Variants in KCNQ2 observed in about 807,000 individuals in gnomAD.
KCNQ2 encodes the protein potassium voltage-gated channel subfamily Q member 2.
Under a neutral mutation model 84.8 loss-of-function variants are expected in KCNQ2, and 14 were observed. That is an observed-to-expected ratio of 0.17 (90% CI 0.11 to 0.26). The LOEUF (loss-of-function observed/expected upper bound fraction) is 0.26. Ranked by LOEUF, KCNQ2 falls within the 10% of genes least tolerant of loss-of-function variation. KCNQ2 has a pLI of 1.00. For missense variants in KCNQ2, 788 were observed against 1,254.0 expected (o/e 0.63, Z 5.61); for synonymous variants, 599 against 554.1 (o/e 1.08, Z -1.14).
At chr20:63,439,522 C>T (rs2081095290) in intron 6 of KCNQ2, 76 bp downstream of exon 6, 1 of 1,112,912 alleles carries the variant, frequency 9.0e-7, no homozygotes, top group Non-Finnish European at 1.4e-6. Context: ...GGAACTGTGC[C>T]CAGGGGCCTG....
At position 63,442,773 on chromosome 20, in the gene KCNQ2, TCAC is replaced by T. The variant is rs796989773; in HGVS notation, c.691-245_691-243del. Among the ~76,000 whole-genome samples, 21 of 27,306 alleles carry T rather than the reference TCAC, an allele frequency of 7.7e-4. No homozygotes were observed. In the South Asian group the frequency reaches 0.026, roughly 34 times the overall value. The allele number at this position is 27,306 out of a possible 152,430, so 17.9% of individuals were successfully genotyped here. A position where few individuals can be genotyped will look rare whatever the true frequency, so the allele number is the denominator to read the frequency against. On this transcript the variant is annotated intron_variant, in intron 4 of 16. Transcript: ENST00000359125. ...ACCATCACCATCACCACCATCACCATCACCACCACCACCATCACCATTACCACC... is the reference window on the plus strand; with the variant it reads ...ACCATCACCATCACCACCATCACCATCACCACCACCATCACCATTACCACC...
chr20:63,436,435 G>A (rs1023643644), intron 7 of KCNQ2, among the ~76,000 whole-genome samples: 1 of 152,032 alleles, frequency 6.6e-6, no homozygotes, highest in Admixed American at 6.5e-5. Context: ...GGAGGCTGAG[G>A]CAGGAGAATG....
rs1270575927 is a variant in KCNQ2 at position 63,401,472 on chromosome 20, C to T, written c.*5172G>A. On this transcript the variant is annotated 3_prime_UTR_variant, in exon 17 of 17. Transcript: ENST00000359125. ...CCATCCCACATCCTTCAGGAAGCCG[C>T]CCTGGCTGTCTCTCCGGCTGCTTAG... 1 of 152,418 alleles carries T rather than the reference C, an allele frequency of 6.6e-6. No individual in the cohort carries two copies. Among genetic ancestry groups the T allele is most frequent in the East Asian group, 1.9e-4 (1 of 5,200 alleles). 9.4% of individuals were successfully genotyped at this position (152,418 alleles called of 1,614,324 possible). A position where few individuals can be genotyped will look rare whatever the true frequency, so the allele number is the denominator to read the frequency against.
In KCNQ2 at chr20:63,414,254, C is replaced by G; in HGVS notation, c.1526-61G>C. 1.6e-6 allele frequency: 2 copies of G among 1,235,118 alleles called. No individual in the cohort carries two copies. The highest frequency in any genetic ancestry group is 2.4e-6 in the Non-Finnish European group (2 of 839,896). The allele number at this position is 1,235,118 out of a possible 1,614,324, so 76.5% of individuals were successfully genotyped here. A position where few individuals can be genotyped will look rare whatever the true frequency, so the allele number is the denominator to read the frequency against. ...GGGCCGGGAGACCTATTCCCGGGGT[C>G]CTGCAGGGCACACCGGCTAGACAGA... On this transcript the variant is annotated intron_variant, in intron 13 of 16. Coordinates refer to ENST00000359125, the MANE Select transcript of KCNQ2 (RefSeq NM_172107.4). The surrounding 1 kb of genome is among the most constrained non-coding windows in gnomAD (Gnocchi z 6.6).
rs569033427 is a variant in KCNQ2 at position 63,428,688 on chromosome 20, G to A, written c.1149-253C>T. 2.0e-5 allele frequency among the ~76,000 whole-genome samples: 3 copies of A among 152,336 alleles called. No homozygotes were observed. The East Asian group carries it at 5.8e-4, about 29-fold the overall frequency. On this transcript the variant is annotated intron_variant, in intron 9 of 16. Coordinates refer to ENST00000359125, the MANE Select transcript of KCNQ2 (RefSeq NM_172107.4). ...GTCAACCAGCAGGGACAGCAGGGAG[G>A]AGGGAAGAGGGCGCCTGGCCACCCA... is the stretch of plus-strand genomic sequence containing the variant.
chr20:63,472,442 C>A lies in KCNQ2; in HGVS notation c.22G>T (p.Gly8Cys), dbSNP rs769045070. The A allele has an allele frequency of 6.5e-7, 1 of 1,532,942 alleles. No homozygotes were observed. The highest frequency in any genetic ancestry group is 1.2e-5 in the South Asian group (1 of 82,580). 95.0% of individuals were successfully genotyped at this position (1,532,942 alleles called of 1,614,324 possible). Reference sequence around the variant, plus strand: ...CCGCTCGGGCCGGGGTATACGCCGCCGTTGCGCGACTTCTGCACCATGGTG... The same window carrying A: ...CCGCTCGGGCCGGGGTATACGCCGCAGTTGCGCGACTTCTGCACCATGGTG... Reference protein sequence around the residue: MVQKSRNGGVYPGPSGEK... With the variant: MVQKSRNCGVYPGPSGEK... The change falls in exon 1 of 17, where the codon GGC (glycine) becomes TGC (cysteine). Residue 8 changes from glycine (G) to cysteine (C), a missense_variant. Physicochemically the swap from Gly to Cys is radical, Grantham distance 159. This residue lies in a region of KCNQ2 where 41 missense variants were observed against 41.2 expected (regional missense o/e 0.99). Coordinates refer to ENST00000359125, the MANE Select transcript of KCNQ2 (RefSeq NM_172107.4).
chr20:63,436,984 G>A (rs948226672), intron 7 of KCNQ2, among the ~76,000 whole-genome samples: 1 of 152,118 alleles, frequency 6.6e-6, no homozygotes, highest in South Asian at 2.1e-4. Flanking sequence ...TCACCATGTT[G>A]GCTAAGCTGG....
rs1304226365 is a variant in KCNQ2 at position 63,445,171 on chromosome 20, C to A, written c.514+67G>T. 25 of 1,610,798 alleles carry A rather than the reference C, an allele frequency of 1.6e-5. No homozygotes were observed. In the Admixed American group the frequency reaches 3.8e-4, roughly 25 times the overall value. ...GCCCACGCAGACGCCCCAGCTCCCC[C>A]CAGGGCTGAGTCCGTCCCTGGGTGC... On this transcript the variant is annotated intron_variant, in intron 3 of 16. Transcript: ENST00000359125.
In KCNQ2 at chr20:63,438,851, C is replaced by A; in HGVS notation, c.928-131G>T. The A allele has an allele frequency of 1.4e-6, 1 of 702,000 alleles. No individual in the cohort carries two copies. Among genetic ancestry groups the A allele is most frequent in the South Asian group, 1.5e-5 (1 of 66,022 alleles). 43.5% of individuals were successfully genotyped at this position (702,000 alleles called of 1,614,324 possible). A position where few individuals can be genotyped will look rare whatever the true frequency, so the allele number is the denominator to read the frequency against. Reference sequence around the variant, plus strand: ...TCAGACCACACTCCAGAGACTCACACACCCCCCAATTCATCAGGGTCAGAC... The same window carrying A: ...TCAGACCACACTCCAGAGACTCACAAACCCCCCAATTCATCAGGGTCAGAC... On this transcript the variant is annotated intron_variant, in intron 6 of 16. Coordinates refer to ENST00000359125, the MANE Select transcript of KCNQ2 (RefSeq NM_172107.4). The surrounding 1 kb of genome is among the most constrained non-coding windows in gnomAD (Gnocchi z 5.1).
At chr20:63,466,380 G>A (rs1388303691) in intron 1 of KCNQ2, 2 of 152,156 alleles carry the variant, frequency 1.3e-5, no homozygotes, top group Admixed American at 1.3e-4. Flanking sequence ...TTCAACCCAC[G>A]ACCTGGCCCT....
rs370418579 is a variant in KCNQ2, at chr20:63,420,470, A to G, written c.1248-798T>C. On this transcript the variant is annotated intron_variant, in intron 11 of 16. Coordinates refer to ENST00000359125, the MANE Select transcript of KCNQ2 (RefSeq NM_172107.4). ...CTTTTCCCCACCCCAGCCACCCCCA[A>G]CCTCCTTGCCACTGCTTCCTGAGAC... Among the ~76,000 whole-genome samples the G allele has an allele frequency of 1.8e-4, 24 of 137,050 alleles. No homozygotes were observed. In the East Asian group the frequency reaches 2.6e-3, roughly 15 times the overall value. 89.9% of individuals were successfully genotyped at this position (137,050 alleles called of 152,430 possible). A position where few individuals can be genotyped will look rare whatever the true frequency, so the allele number is the denominator to read the frequency against.
intron 7 of KCNQ2, among the ~76,000 whole-genome samples, chr20:63,437,191 C>T (rs948174812): frequency 4.6e-5 from 7 of 152,180 alleles, no homozygotes; most frequent in African/African-American, 9.7e-5. Flanking sequence ...CTCTGAGGTG[C>T]GCCTGTGGAG....
chr20:63,414,427 A>C lies in KCNQ2; in HGVS notation c.1526-234T>G, dbSNP rs2080222685. Among the ~76,000 whole-genome samples, 1 of 152,114 alleles carries C rather than the reference A, an allele frequency of 6.6e-6. No homozygotes were observed. The highest frequency in any genetic ancestry group is 1.5e-5 in the Non-Finnish European group (1 of 68,026). ...AGGGAGTGGCCGATATGGGGCGTCA[A>C]AGGACATTCTGGCCAATGGATGAAC... On this transcript the variant is annotated intron_variant, in intron 13 of 16. Transcript: ENST00000359125. The surrounding 1 kb of genome is among the most constrained non-coding windows in gnomAD (Gnocchi z 6.6).
chr20:63,408,019 T>C lies in KCNQ2; in HGVS notation c.1887+394A>G, dbSNP rs976411525. 1.7e-5 allele frequency: 5 copies of C among 297,362 alleles called. No homozygotes were observed. Among genetic ancestry groups the C allele is most frequent in the Non-Finnish European group, 2.6e-5 (4 of 151,240 alleles). 18.4% of individuals were successfully genotyped at this position (297,362 alleles called of 1,614,324 possible). On this transcript the variant is annotated intron_variant, in intron 16 of 16. Transcript: ENST00000359125. The surrounding 1 kb of genome is among the most constrained non-coding windows in gnomAD (Gnocchi z 5.0). ...AGCAGGCCCCAAAACAAGGGTCCTC[T>C]GCGGTGGTTCCTGAGAATGCACCCC...
chr20:63,436,778 T>G (rs866131661), intron 7 of KCNQ2, among the ~76,000 whole-genome samples: 36 of 148,866 alleles, frequency 2.4e-4, no homozygotes, highest in Middle Eastern at 6.8e-3. Flanking sequence ...AACATAACTT[T>G]TTTTTTTTTT....
chr20:63,439,782 G>A (rs1379348669), intron 5 of KCNQ2, 74 bp from the exon 6 acceptor site: 11 of 1,135,324 alleles, frequency 9.7e-6, no homozygotes, highest in Middle Eastern at 2.0e-4. Flanking sequence ...GCCCGCTGGC[G>A]ACTCGGGGCT....
At position 63,414,344 on chromosome 20, in the gene KCNQ2, C is replaced by A; in HGVS notation, c.1526-151G>T. 3.2e-6 allele frequency: 2 copies of A among 627,640 alleles called. No individual in the cohort carries two copies. The highest frequency in any genetic ancestry group is 5.7e-6 in the Non-Finnish European group (2 of 349,024). 38.9% of individuals were successfully genotyped at this position (627,640 alleles called of 1,614,324 possible). On this transcript the variant is annotated intron_variant, in intron 13 of 16. Transcript: ENST00000359125. This position sits in a 1 kb window ranked among gnomAD's most constrained non-coding sequence, Gnocchi z 6.6. ...GGGTGCACCTGCTTTTCTGGAAACC[C>A]ACCCATCTGCACCCAGCTGCTCTCG... is the stretch of plus-strand genomic sequence containing the variant.
At chr20:63,411,906 G>C (rs1421788333) in intron 15 of KCNQ2, 1 of 713,374 alleles carries the variant, frequency 1.4e-6, no homozygotes, top group Non-Finnish European at 2.6e-6. Flanking sequence ...CAAGAAAAGA[G>C]ACACCGGCGA....
intron 4 of KCNQ2, among the ~76,000 whole-genome samples, chr20:63,442,765 C>T (rs1306915139): frequency 1.3e-5 from 1 of 78,638 alleles, no homozygotes; most frequent in Non-Finnish European, 2.5e-5. Context: ...CCATCACCAC[C>T]ATCACCATCA....
Sources: allele counts gnomAD v4.1 joint callset (sites outside exome capture counted in the v4.1 genomes callset), GRCh38; gene constraint gnomAD v4.1.1; regional missense constraint gnomAD v4.1.1; non-coding constraint Gnocchi (gnomAD v3.1); transcripts MANE v1.5; gene names NCBI Gene and HGNC (gene_info 2026-07-23, HGNC 2026-07-21).